Variants in HHLA2 observed in about 807,000 individuals in gnomAD.
HHLA2 encodes the protein HHLA2 member of B7 family.
In HHLA2, 48 loss-of-function variants were observed where a neutral mutation model predicts 45.9. The observed-to-expected ratio is 1.05, with a 90% confidence interval of 0.83 to 1.33. The LOEUF is 1.33. HHLA2 is among the 40% of genes most tolerant of loss of function. The pLI, the probability that HHLA2 is intolerant of heterozygous loss-of-function variation, is 0.00. For missense variants in HHLA2, 462 were observed against 494.3 expected (o/e 0.93, Z 0.62); for synonymous variants, 161 against 173.9 (o/e 0.93, Z 0.59).
At chr3:108,357,441 A>G (rs1576164638) in intron 6 of HHLA2, among the ~76,000 whole-genome samples, 1 of 152,324 alleles carries the variant, frequency 6.6e-6, no homozygotes, top group East Asian at 1.9e-4. Flanking sequence ...GTTAGAGACC[A>G]CTAGGGAGTA....
At chr3:108,311,435 TAAG>T (rs779018210) in intron 2 of HHLA2, among the ~76,000 whole-genome samples, 5 of 152,058 alleles carry the variant, frequency 3.3e-5, no homozygotes, top group South Asian at 2.1e-4. Context: ...TACCCAGATA[TAAG>T]AAGGAGAAAA....
intron 1 of HHLA2, among the ~76,000 whole-genome samples, chr3:108,309,336 T>G (rs193133070): frequency 5.0e-4 from 76 of 152,136 alleles, no homozygotes; most frequent in African/African-American, 1.7e-3. Flanking sequence ...TAGATTTTTT[T>G]CTGGGTTTTC....
chr3:108,342,262 T>C (rs900955963), intron 3 of HHLA2, among the ~76,000 whole-genome samples: 8 of 23,704 alleles, frequency 3.4e-4, no homozygotes, highest in African/African-American at 8.3e-4. Flanking sequence ...TTTCTCTCTT[T>C]TTTTTTTTTT....
intron 2 of HHLA2, among the ~76,000 whole-genome samples, chr3:108,319,685 G>C (rs561919355): frequency 6.6e-6 from 1 of 152,242 alleles, no homozygotes; most frequent in South Asian, 2.1e-4. Context: ...CTGCTCTTGC[G>C]GTTTCTATCA....
chr3:108,321,091 T>TAAAAAAAAAAAAAAACAAAAAAAAAA (rs2081191907), intron 2 of HHLA2, among the ~76,000 whole-genome samples: 4 of 101,428 alleles, frequency 3.9e-5, no homozygotes, highest in Admixed American at 1.1e-4. Flanking sequence ...TCCAGGTGTT[T>TAAAAAAAAAAAAAAACAAAAAAAAAA]AAAAAAAAAA....
chr3:108,349,922 C>CA (rs1209620671), intron 3 of HHLA2, among the ~76,000 whole-genome samples: 1 of 152,004 alleles, frequency 6.6e-6, no homozygotes, highest in African/African-American at 2.4e-5. Flanking sequence ...GAACCTCTAG[C>CA]AAGACAATGG....
At chr3:108,355,253 A>G (rs1414843788) in exon 6 of HHLA2, 1 of 1,613,920 alleles carries the variant, frequency 6.2e-7, no homozygotes, top group South Asian at 1.1e-5. Flanking sequence ...AACATGGAAG[A>G]AACAGGGTCT....
At chr3:108,325,449 T>A (rs994178048) in intron 2 of HHLA2, 24 of 388,110 alleles carry the variant, frequency 6.2e-5, no homozygotes, top group African/African-American at 4.5e-4. Flanking sequence ...AACCTGTACC[T>A]CCCCTGTCAC....
chr3:108,314,956 C>G (rs1428216436), intron 2 of HHLA2, among the ~76,000 whole-genome samples: 1 of 152,140 alleles, frequency 6.6e-6, no homozygotes, highest in Non-Finnish European at 1.5e-5. Flanking sequence ...GATTTTTTCC[C>G]CTACTTATCT....
chr3:108,354,804 G>A (rs1490434186), intron 5 of HHLA2, among the ~76,000 whole-genome samples: 1 of 152,050 alleles, frequency 6.6e-6, no homozygotes, highest in African/African-American at 2.4e-5. Flanking sequence ...TATAGACTTA[G>A]ACATCCTCAT....
At chr3:108,336,455 G>A (rs2081473268) in intron 3 of HHLA2, among the ~76,000 whole-genome samples, 1 of 152,102 alleles carries the variant, frequency 6.6e-6, no homozygotes, top group South Asian at 2.1e-4. Context: ...CCTTCTTAGG[G>A]TGACCCATCT....
At chr3:108,339,370 G>C (rs1354805796) in intron 3 of HHLA2, among the ~76,000 whole-genome samples, 1 of 152,184 alleles carries the variant, frequency 6.6e-6, no homozygotes, top group Non-Finnish European at 1.5e-5. Context: ...AGAGTGGTTA[G>C]TAGAAGGCCT....
chr3:108,377,380 G>A (rs1463425), exon 11 of HHLA2: 4 of 806,862 alleles, frequency 5.0e-6, no homozygotes, highest in Admixed American at 2.4e-5. Flanking sequence ...GCCTGTCGGA[G>A]CAGACAATTC....
chr3:108,337,319 G>C (rs1490548273), intron 3 of HHLA2, among the ~76,000 whole-genome samples: 1 of 152,048 alleles, frequency 6.6e-6, no homozygotes, highest in African/African-American at 2.4e-5. Context: ...GTTTACTGCC[G>C]CTTTGCTACT....
chr3:108,301,624 T>G (rs1370789223), intron 1 of HHLA2, among the ~76,000 whole-genome samples: 2 of 152,038 alleles, frequency 1.3e-5, no homozygotes, highest in Non-Finnish European at 2.9e-5. Flanking sequence ...TTTGAGAGAC[T>G]GCATTGTTTC....
At chr3:108,341,600 TAAAC>T (rs2081572748) in intron 3 of HHLA2, among the ~76,000 whole-genome samples, 1 of 89,318 alleles carries the variant, frequency 1.1e-5, no homozygotes, top group African/African-American at 5.6e-5. Flanking sequence ...TTGATTTATT[TAAAC>T]AAACAAAAAA....
intron 8 of HHLA2, among the ~76,000 whole-genome samples, chr3:108,367,704 ATG>A (rs2082087618): frequency 6.6e-6 from 1 of 152,146 alleles, no homozygotes; most frequent in African/African-American, 2.4e-5. Context: ...ATATGGTACT[ATG>A]TGAAAAGACC....
exon 11 of HHLA2, chr3:108,378,209 C>T (rs2082307184): frequency 6.6e-6 from 1 of 152,254 alleles, no homozygotes; most frequent in Admixed American, 6.5e-5. Context: ...GATAATCCAT[C>T]ACCCTTCGCT....
intron 8 of HHLA2, among the ~76,000 whole-genome samples, chr3:108,373,270 A>G (rs2082212271): frequency 6.6e-6 from 1 of 152,240 alleles, no homozygotes; most frequent in Admixed American, 6.5e-5. Context: ...CTTTGACACA[A>G]TTCAACAACG....
Sources: gnomAD v4.1 joint callset for allele counts (sites outside exome capture counted in the v4.1 genomes callset) on GRCh38, gnomAD v4.1.1 for gene constraint, MANE v1.5 for transcripts, NCBI Gene and HGNC (gene_info 2026-07-23, HGNC 2026-07-21) for gene names.